The following AMOTL1 variants were observed in gnomAD, a reference collection of about 807,000 sequenced individuals.
The protein encoded by AMOTL1 is angiomotin-like protein 1.
In AMOTL1, 45 loss-of-function variants were observed where a neutral mutation model predicts 102.9. The observed-to-expected ratio is 0.44, with a 90% CI of 0.34 to 0.56. AMOTL1 has a LOEUF of 0.56. Ranked by LOEUF, AMOTL1 falls within the 20% of genes least tolerant of loss-of-function variation. AMOTL1 has a pLI of 0.01. For missense variants in AMOTL1, 1,114 were observed against 1,225.6 expected, an observed-to-expected ratio of 0.91 and a Z score of 1.36; for synonymous variants, 481 against 484.7, an observed-to-expected ratio of 0.99 and a Z score of 0.10.
At chr11:94,741,752 G>C (rs191224546) in intron 3 of AMOTL1, among the ~76,000 whole-genome samples, 9 of 152,020 alleles carry the variant, frequency 5.9e-5, no homozygotes, top group African/African-American at 2.2e-4. Context: ...GGTTAGTTTA[G>C]CTGCTACTGG....
At chr11:94,858,792 A>G (rs1339636728) in intron 8 of AMOTL1, among the ~76,000 whole-genome samples, 1 of 152,174 alleles carries the variant, frequency 6.6e-6, no homozygotes, top group Non-Finnish European at 1.5e-5. Context: ...TTTAGAGGAA[A>G]TAGTGTACCT....
At chr11:94,728,972 T>G (rs1950303158) in exon 2 of AMOTL1, 1 of 1,288,976 alleles carries the variant, frequency 7.8e-7, no homozygotes, top group Non-Finnish European at 1.0e-6. Flanking sequence ...GCTAGAAGCA[T>G]GGACCTCAGT....
At chr11:94,750,609 C>T (rs551246143) in intron 3 of AMOTL1, among the ~76,000 whole-genome samples, 2 of 152,314 alleles carry the variant, frequency 1.3e-5, no homozygotes, top group South Asian at 4.1e-4. Flanking sequence ...TATCCCCTGC[C>T]TTGCTCCCGT....
At chr11:94,833,368 C>G (rs1020522043) in intron 6 of AMOTL1, among the ~76,000 whole-genome samples, 23 of 152,246 alleles carry the variant, frequency 1.5e-4, no homozygotes, top group African/African-American at 5.3e-4. Context: ...GATGTTATTT[C>G]AAATTTATAG....
chr11:94,768,352 C>A, upstream of AMOTL1: 1 of 1,370,272 alleles, frequency 7.3e-7, no homozygotes, highest in Non-Finnish European at 9.4e-7. Flanking sequence ...CGGACGGCGG[C>A]GGGAGCGCGC....
At chr11:94,802,879 T>A (rs1591981611) in intron 3 of AMOTL1, among the ~76,000 whole-genome samples, 1 of 152,242 alleles carries the variant, frequency 6.6e-6, no homozygotes, top group South Asian at 2.1e-4. Flanking sequence ...TCAACTTGCC[T>A]GTGACCCAGA....
intron 4 of AMOTL1, among the ~76,000 whole-genome samples, chr11:94,826,225 G>A (rs1331819588): frequency 6.6e-6 from 1 of 152,126 alleles, no homozygotes; most frequent in African/African-American, 2.4e-5. Context: ...TCCAGGAGGT[G>A]GAGTTTGCAG....
intron 3 of AMOTL1, among the ~76,000 whole-genome samples, chr11:94,814,720 C>G (rs1951737062): frequency 6.6e-6 from 1 of 152,208 alleles, no homozygotes; most frequent in Non-Finnish European, 1.5e-5. Context: ...GTGACTATAA[C>G]TCCATGTTCT....
chr11:94,738,847 A>G (rs924926550), intron 2 of AMOTL1, among the ~76,000 whole-genome samples: 11 of 152,140 alleles, frequency 7.2e-5, no homozygotes, highest in African/African-American at 2.7e-4. Context: ...AGAGGGGATA[A>G]GCTGGAAAGG....
At chr11:94,789,772 C>T (rs1428180736) in intron 1 of AMOTL1, among the ~76,000 whole-genome samples, 2 of 152,188 alleles carry the variant, frequency 1.3e-5, no homozygotes, top group African/African-American at 4.8e-5. Context: ...GCACACTCAG[C>T]AAATTCCTTA....
intron 9 of AMOTL1, among the ~76,000 whole-genome samples, chr11:94,862,986 T>C (rs1374007284): frequency 6.6e-6 from 1 of 152,226 alleles, no homozygotes; most frequent in African/African-American, 2.4e-5. Context: ...TAAAGACATA[T>C]GAAACTTGCA....
chr11:94,838,987 T>C (rs918002739), intron 6 of AMOTL1, among the ~76,000 whole-genome samples: 6 of 152,166 alleles, frequency 3.9e-5, no homozygotes, highest in African/African-American at 1.4e-4. Context: ...ATTCTCACCA[T>C]AAGGATCCTA....
intron 2 of AMOTL1, chr11:94,797,128 G>A: frequency 3.5e-6 from 2 of 569,946 alleles, no homozygotes; most frequent in African/African-American, 2.0e-5. Context: ...GGAAAATGAT[G>A]TGCCGTATGT....
chr11:94,739,132 C>T (rs1304715295), intron 2 of AMOTL1, among the ~76,000 whole-genome samples: 1 of 152,106 alleles, frequency 6.6e-6, no homozygotes, highest in East Asian at 1.9e-4. Flanking sequence ...GTAATGCAGC[C>T]TGTTATTTTC....
At chr11:94,810,589 C>T (rs1455927130) in intron 3 of AMOTL1, among the ~76,000 whole-genome samples, 1 of 151,388 alleles carries the variant, frequency 6.6e-6, no homozygotes, top group Non-Finnish European at 1.5e-5. Flanking sequence ...TCTGTTTACA[C>T]TCTTGGGGTT....
At chr11:94,728,548 G>GT (rs1200624268) in intron 1 of AMOTL1, among the ~76,000 whole-genome samples, 2 of 152,068 alleles carry the variant, frequency 1.3e-5, no homozygotes, top group South Asian at 2.1e-4. Flanking sequence ...ATTAGTTCAA[G>GT]TTTTTTTAGT....
Position 94,831,471 on chromosome 11 carries a change from C to T in AMOTL1, c.1578C>T (p.Asn526=), listed in dbSNP as rs758150926. 3 of 1,613,622 alleles carry T rather than the reference C, an allele frequency of 1.9e-6. No homozygotes were observed. The African/African-American group carries it at 4.0e-5, about 22-fold the overall frequency. Residue 526 remains asparagine, a synonymous_variant, in exon 6 of 13, where the codon AAC becomes AAT. Transcript: ENST00000433060. ...RDLRDRLETA[N]RQLSSREYEG... is the part of the protein sequence containing the mutation. ...TCATAGATCGACTAGAGACTGCTAA[C>T]AGGCAACTATCCAGCAGGGAATACG...
intron 1 of AMOTL1, among the ~76,000 whole-genome samples, chr11:94,715,061 C>A (rs1481551751): frequency 1.3e-5 from 2 of 152,006 alleles, no homozygotes; most frequent in Non-Finnish European, 2.9e-5. Context: ...GATGTTGTTT[C>A]TTCATTTTTG....
At chr11:94,822,136 G>A (rs1951878475) in intron 4 of AMOTL1, among the ~76,000 whole-genome samples, 1 of 152,202 alleles carries the variant, frequency 6.6e-6, no homozygotes, top group Non-Finnish European at 1.5e-5. Context: ...ATGTAGAAGA[G>A]GGAACACGGA....
Sources: allele counts gnomAD v4.1 joint callset (sites outside exome capture counted in the v4.1 genomes callset), GRCh38; gene constraint gnomAD v4.1.1; transcripts MANE v1.5; gene names NCBI Gene and HGNC (gene_info 2026-07-23, HGNC 2026-07-21).